CSMD1: variants seen among roughly 807,000 people sequenced by gnomAD.
CSMD1 encodes CUB and sushi domain-containing protein 1.
Under a neutral mutation model 417.5 loss-of-function variants are expected in CSMD1, and 213 were observed. The observed-to-expected ratio is 0.51, with a 90% CI of 0.46 to 0.57. The LOEUF (loss-of-function observed/expected upper bound fraction) is 0.57. Among genes scored for constraint, CSMD1 ranks in the 20% least tolerant of loss-of-function variants. CSMD1 has a pLI of 0.00. For synonymous variants in CSMD1, 2,862 were observed against 1,736.8 expected (o/e 1.65, Z -16.11); for missense variants, 6,923 against 4,529.7 (o/e 1.53, Z -15.17).
intron 49 of CSMD1, among the ~76,000 whole-genome samples, chr8:3,064,146 C>T (rs544154009): frequency 4.6e-5 from 7 of 152,282 alleles, no homozygotes; most frequent in East Asian, 3.9e-4. Flanking sequence ...TTACTGAATA[C>T]GTTTTCAACA....
chr8:4,929,798 G>A (rs765588902), intron 1 of CSMD1, among the ~76,000 whole-genome samples: 1 of 152,136 alleles, frequency 6.6e-6, no homozygotes, highest in Admixed American at 6.6e-5. Context: ...AGAGAATTCA[G>A]CCACCTCCAC....
chr8:3,675,212 AC>A (rs1799311461), intron 7 of CSMD1, among the ~76,000 whole-genome samples: 1 of 151,990 alleles, frequency 6.6e-6, no homozygotes, highest in Non-Finnish European at 1.5e-5. Flanking sequence ...GCCTGACCAC[AC>A]CTGTTCTCCT....
chr8:4,374,250 G>C (rs557101651), intron 3 of CSMD1, among the ~76,000 whole-genome samples: 20 of 152,026 alleles, frequency 1.3e-4, no homozygotes, highest in Admixed American at 2.6e-4. Flanking sequence ...CATCACTAAC[G>C]TGTGAGTTAA....
At chr8:3,157,223 G>C (rs1274228706) in intron 39 of CSMD1, among the ~76,000 whole-genome samples, 1 of 152,000 alleles carries the variant, frequency 6.6e-6, no homozygotes, top group African/African-American at 2.4e-5. Flanking sequence ...GGTGAAGCTG[G>C]GGGCCTGAAT....
intron 9 of CSMD1, among the ~76,000 whole-genome samples, chr8:3,576,020 C>A (rs1419661795): frequency 1.3e-5 from 2 of 151,946 alleles, no homozygotes; most frequent in South Asian, 4.1e-4. Flanking sequence ...TCCTATGACA[C>A]AAACTGACAA....
rs113644117 is a variant in CSMD1, at chr8:3,161,222, T to C, written c.5844+937A>G. On this transcript the variant is annotated intron_variant, in intron 38 of 69. Transcript: ENST00000635120. ...ATAGACACTATTCTGAGAGTAGGCT[T>C]ACTCATGGTTAAACTAGAAAATATT... Among the ~76,000 whole-genome samples the C allele has an allele frequency of 2.6e-3, 402 of 152,306 alleles. 7 individuals carry two copies. The highest frequency in any genetic ancestry group is 9.1e-3 in the African/African-American group (378 of 41,570).
chr8:4,038,963 C>T (rs1428929153), intron 3 of CSMD1, among the ~76,000 whole-genome samples: 2 of 152,176 alleles, frequency 1.3e-5, no homozygotes, highest in Non-Finnish European at 2.9e-5. Context: ...CTTAATTGGG[C>T]TATCACATCA....
intron 3 of CSMD1, among the ~76,000 whole-genome samples, chr8:4,171,590 A>G (rs189533642): frequency 1.3e-5 from 2 of 151,798 alleles, no homozygotes; most frequent in East Asian, 1.9e-4. Context: ...ATACTACACA[A>G]TTCCTTAGGG....
At chr8:3,682,055 G>T (rs1480187638) in intron 7 of CSMD1, among the ~76,000 whole-genome samples, 1 of 152,256 alleles carries the variant, frequency 6.6e-6, no homozygotes, top group South Asian at 2.1e-4. Flanking sequence ...ATGGATTAAA[G>T]ACTTAAATGT....
At chr8:3,446,206 T>C (rs546297271) in intron 12 of CSMD1, among the ~76,000 whole-genome samples, 2 of 152,104 alleles carry the variant, frequency 1.3e-5, no homozygotes, top group Non-Finnish European at 2.9e-5. Context: ...AAATCGTGAA[T>C]GCACTTTCTG....
chr8:4,151,105 C>T (rs1796550482), intron 3 of CSMD1, among the ~76,000 whole-genome samples: 1 of 152,144 alleles, frequency 6.6e-6, no homozygotes, highest in African/African-American at 2.4e-5. Context: ...ATCCTTCTCC[C>T]AGCAGAAGAT....
chr8:3,119,996 A>G (rs760879209), intron 41 of CSMD1, among the ~76,000 whole-genome samples: 1 of 152,200 alleles, frequency 6.6e-6, no homozygotes, highest in Non-Finnish European at 1.5e-5. Flanking sequence ...TGAAATGGAA[A>G]TTTCAATTTT....
chr8:4,240,990 G>C (rs1802366452), intron 3 of CSMD1, among the ~76,000 whole-genome samples: 2 of 152,026 alleles, frequency 1.3e-5, no homozygotes, highest in Admixed American at 1.3e-4. Context: ...ATTATTTCCA[G>C]CCAACGTCTC....
intron 12 of CSMD1, among the ~76,000 whole-genome samples, chr8:3,411,310 C>G (rs1160006164): frequency 1.3e-5 from 2 of 152,112 alleles, no homozygotes; most frequent in South Asian, 2.1e-4. Context: ...TTGCAGGGGC[C>G]AAGAGCAAAT....
At chr8:4,773,673 A>G (rs1796707383) in intron 1 of CSMD1, among the ~76,000 whole-genome samples, 1 of 152,140 alleles carries the variant, frequency 6.6e-6, no homozygotes, top group Admixed American at 6.5e-5. Context: ...TGCAGCCTTT[A>G]TCGTCAGGCT....
intron 8 of CSMD1, among the ~76,000 whole-genome samples, chr8:3,596,773 C>A (rs540064156): frequency 2.3e-4 from 34 of 150,272 alleles, no homozygotes; most frequent in African/African-American, 8.4e-4. Flanking sequence ...TCAGGGCACA[C>A]ACAAACACAC....
intron 7 of CSMD1, among the ~76,000 whole-genome samples, chr8:3,707,989 C>G (rs1801271635): frequency 6.6e-6 from 1 of 152,314 alleles, no homozygotes; most frequent in South Asian, 2.1e-4. Context: ...TGCCCGAAAG[C>G]TACTTTACTC....
intron 3 of CSMD1, among the ~76,000 whole-genome samples, chr8:4,298,968 A>G (rs1208133197): frequency 6.6e-6 from 1 of 152,142 alleles, no homozygotes; most frequent in African/African-American, 2.4e-5. Context: ...ATATAATAGA[A>G]CAATGAAAGT....
intron 27 of CSMD1, among the ~76,000 whole-genome samples, chr8:3,229,418 A>G (rs1034437137): frequency 1.3e-5 from 2 of 152,202 alleles, no homozygotes; most frequent in African/African-American, 4.8e-5. Context: ...TTTTACATAA[A>G]ATATATATTA....
Sources: allele counts gnomAD v4.1 joint callset (sites outside exome capture counted in the v4.1 genomes callset), GRCh38; gene constraint gnomAD v4.1.1; transcripts MANE v1.5; gene names NCBI Gene and HGNC (gene_info 2026-07-23, HGNC 2026-07-21).